GSTCD: variants seen among roughly 807,000 people sequenced by gnomAD.
GSTCD encodes glutathione S-transferase C-terminal domain-containing protein.
In GSTCD, 44 loss-of-function variants were observed where a neutral mutation model predicts 68.3. The observed-to-expected ratio is 0.64, with a 90% CI of 0.51 to 0.83. GSTCD has a LOEUF of 0.83. Ranked by LOEUF, GSTCD falls within the 40% of genes least tolerant of loss-of-function variation. The probability of loss-of-function intolerance (pLI) is 0.00; values close to 1 mark genes in which losing one functional copy is unlikely to be tolerated. For missense variants in GSTCD, 739 were observed against 735.9 expected (o/e 1.00, Z -0.05); for synonymous variants, 273 against 255.2 (o/e 1.07, Z -0.67).
At chr4:105,765,640 G>C (rs566013593) in intron 5 of GSTCD, among the ~76,000 whole-genome samples, 1 of 152,272 alleles carries the variant, frequency 6.6e-6, no homozygotes, top group African/African-American at 2.4e-5. Context: ...TCCCTGATAT[G>C]GCCTGGCTCT....
At chr4:105,836,133 G>T (rs1427543066) in intron 9 of GSTCD, among the ~76,000 whole-genome samples, 1 of 151,898 alleles carries the variant, frequency 6.6e-6, no homozygotes, top group Non-Finnish European at 1.5e-5. Context: ...CAGGTGGAAG[G>T]AGACCTGCAG....
chr4:105,719,274 AG>A lies in GSTCD; in HGVS notation c.644del (p.Gly215GlufsTer25). 1 of 1,614,126 alleles carries A rather than the reference AG, an allele frequency of 6.2e-7. No individual in the cohort carries two copies. The highest frequency in any genetic ancestry group is 8.5e-7 in the Non-Finnish European group (1 of 1,179,992). ...GATGGAGTTGGGCCTCCCCTTACTAAGGGAAAGGCAAAGAGCAAGGTCCACA... is the reference window on the plus strand; with the variant it reads ...GATGGAGTTGGGCCTCCCCTTACTAAGGAAAGGCAAAGAGCAAGGTCCACA... ...KADGVGPPLTKGKAKSKVHTQ... is the reference protein window; with the variant it reads ...KADGVGPPLTXGKAKSKVHTQ... On this transcript the variant is annotated frameshift_variant, in exon 3 of 12. Transcript: ENST00000515279. LOFTEE classifies it high-confidence loss of function.
chr4:105,723,483 A>G (rs890492876), intron 3 of GSTCD, among the ~76,000 whole-genome samples: 4 of 151,828 alleles, frequency 2.6e-5, no homozygotes, highest in Admixed American at 6.6e-5. Context: ...CACAGTGTTT[A>G]TATTGTATTA....
intron 11 of GSTCD, among the ~76,000 whole-genome samples, chr4:105,844,013 A>C (rs1724457563): frequency 6.6e-6 from 1 of 152,174 alleles, no homozygotes; most frequent in South Asian, 2.1e-4. Context: ...CAGGCCCACA[A>C]AGGTAGACTA....
At chr4:105,716,678 C>T (rs926950880) in intron 1 of GSTCD, among the ~76,000 whole-genome samples, 1 of 152,202 alleles carries the variant, frequency 6.6e-6, no homozygotes, top group African/African-American at 2.4e-5. Context: ...AAACCATCCC[C>T]ATCCCCCCAC....
At chr4:105,750,460 C>CA (rs1024094979) in intron 5 of GSTCD, among the ~76,000 whole-genome samples, 2,677 of 50,474 alleles carry the variant, frequency 0.053, 82 homozygotes, top group African/African-American at 0.12. Context: ...AACTCCGTCT[C>CA]AAAAAAAAAA....
Position 105,717,642 on chromosome 4 carries a change from A to G in GSTCD, c.29A>G (p.Glu10Gly), listed in dbSNP as rs371952831. The G allele has an allele frequency of 6.3e-7, 1 of 1,580,276 alleles. No homozygotes were observed. The highest frequency in any genetic ancestry group is 8.6e-7 in the Non-Finnish European group (1 of 1,169,262). Reference sequence around the variant, plus strand: ...AAAGCCATAAAGAAAAGTCTTACAGAAGAAGAATACCTGTACCTGGACTTT... The same window carrying G: ...AAAGCCATAAAGAAAAGTCTTACAGGAGAAGAATACCTGTACCTGGACTTT... MKAIKKSLT[E>G]EEYLYLDFSH... Residue 10 changes from glutamate to glycine, a missense_variant, in exon 2 of 12, where the codon GAA becomes GGA. Glu to Gly is a moderately conservative substitution (Grantham distance 98, BLOSUM62 -2). Transcript: ENST00000515279.
At position 105,841,963 on chromosome 4, in the gene GSTCD, T is replaced by A. The variant is rs1383173964; in HGVS notation, c.1696-102T>A. On this transcript the variant is annotated intron_variant, in intron 10 of 11. Coordinates refer to ENST00000515279, the MANE Select transcript of GSTCD (RefSeq NM_001370181.1). ...TGCAGTACTTTATTCAGTTAAACAA[T>A]GTTGAACTCCAGAAAAATGAGGTAG... 18 of 787,354 alleles carry A rather than the reference T, an allele frequency of 2.3e-5. No homozygotes were observed. In the East Asian group the frequency reaches 4.7e-4, roughly 20 times the overall value. The allele number at this position is 787,354 out of a possible 1,614,324, so 48.8% of individuals were successfully genotyped here.
chr4:105,812,087 T>C (rs1289915924), intron 5 of GSTCD, among the ~76,000 whole-genome samples: 2 of 152,166 alleles, frequency 1.3e-5, no homozygotes, highest in African/African-American at 4.8e-5. Flanking sequence ...GGTATCAGTA[T>C]GATGTTTCAA....
intron 5 of GSTCD, among the ~76,000 whole-genome samples, chr4:105,771,175 T>G (rs899736033): frequency 2.0e-5 from 3 of 152,194 alleles, no homozygotes; most frequent in Admixed American, 6.5e-5. Flanking sequence ...TGTCTTCTTT[T>G]GAGAACTGTC....
chr4:105,764,300 A>G lies in GSTCD; in HGVS notation c.1240+34801A>G, dbSNP rs182352442. ...ACTCAGATATACTAAGAGTAGTCTT[A>G]TATAAATGCTAATTTATACTACATC... On this transcript the variant is annotated intron_variant, in intron 5 of 11. Transcript: ENST00000515279. Among the ~76,000 whole-genome samples, 61 of 152,328 alleles carry G rather than the reference A, an allele frequency of 4.0e-4. 1 individual carries two copies. The East Asian group carries it at 0.011, about 27-fold the overall frequency.
chr4:105,743,141 G>A (rs531215162), intron 5 of GSTCD, among the ~76,000 whole-genome samples: 51 of 151,840 alleles, frequency 3.4e-4, no homozygotes, highest in South Asian at 1.9e-3. Flanking sequence ...TAGTAGAGAC[G>A]GGGTTTCACC....
At chr4:105,765,812 G>C (rs988973656) in intron 5 of GSTCD, among the ~76,000 whole-genome samples, 124 of 152,150 alleles carry the variant, frequency 8.1e-4, no homozygotes, top group African/African-American at 2.9e-3. Context: ...TTTTATAAGG[G>C]GCTTTCCCTG....
At chr4:105,728,669 C>CTAGATATAGATA (rs758465092) in intron 4 of GSTCD, among the ~76,000 whole-genome samples, 3,746 of 131,758 alleles carry the variant, frequency 0.028, 98 homozygotes, top group Middle Eastern at 0.081. Context: ...ATGGAGATAT[C>CTAGATATAGATA]TAGATATAGA....
intron 5 of GSTCD, among the ~76,000 whole-genome samples, chr4:105,766,526 G>A (rs868115589): frequency 5.9e-5 from 9 of 152,244 alleles, no homozygotes; most frequent in Non-Finnish European, 1.2e-4. Context: ...GCAAATGATT[G>A]GCATAGATAC....
intron 3 of GSTCD, among the ~76,000 whole-genome samples, chr4:105,720,203 C>T (rs993957120): frequency 3.3e-5 from 5 of 152,184 alleles, no homozygotes; most frequent in African/African-American, 9.7e-5. Context: ...CACGCACACA[C>T]GTGTGCACAC....
At chr4:105,751,072 C>T (rs1207309405) in intron 5 of GSTCD, among the ~76,000 whole-genome samples, 2 of 152,084 alleles carry the variant, frequency 1.3e-5, no homozygotes, top group African/African-American at 4.8e-5. Context: ...GATACATATA[C>T]TGACAAGTGC....
intron 5 of GSTCD, among the ~76,000 whole-genome samples, chr4:105,751,214 G>A (rs1733998596): frequency 6.6e-6 from 1 of 152,042 alleles, no homozygotes; most frequent in African/African-American, 2.4e-5. Context: ...AGGGGTTCAT[G>A]GGAGTCTCAT....
In GSTCD at chr4:105,717,899, C is replaced by A; in HGVS notation, c.286C>A (p.Arg96=). ...QNCCLPAVVE[R]SDNFCRAGLA... is the part of the protein sequence containing the mutation. Reference sequence around the variant, plus strand: ...TTGCTGTTTGCCTGCAGTAGTAGAACGATCAGACAATTTTTGTAGAGCAGG... The same window carrying A: ...TTGCTGTTTGCCTGCAGTAGTAGAAAGATCAGACAATTTTTGTAGAGCAGG... Residue 96 remains arginine, a synonymous_variant, in exon 2 of 12, where the codon CGA becomes AGA. Coordinates refer to ENST00000515279, the MANE Select transcript of GSTCD (RefSeq NM_001370181.1). The A allele has an allele frequency of 6.2e-7, 1 of 1,614,038 alleles. No individual in the cohort carries two copies. Among genetic ancestry groups the A allele is most frequent in the Non-Finnish European group, 8.5e-7 (1 of 1,179,984 alleles).
Sources: gnomAD v4.1 joint callset for allele counts (sites outside exome capture counted in the v4.1 genomes callset) on GRCh38, gnomAD v4.1.1 for gene constraint, MANE v1.5 for transcripts, NCBI Gene and HGNC (gene_info 2026-07-23, HGNC 2026-07-21) for gene names.